The following CAPZA2 variants were observed in gnomAD, a reference collection of about 807,000 sequenced individuals.
CAPZA2 encodes the protein F-actin-capping protein subunit alpha-2.
CAPZA2 carries 13 observed loss-of-function variants against 44.0 expected under a neutral mutation model. That is an observed-to-expected ratio of 0.30 (90% confidence interval 0.19 to 0.47). CAPZA2 has a LOEUF of 0.47. CAPZA2 is among the 20% of genes least tolerant of loss of function. The pLI is 1.00. For synonymous variants in CAPZA2, 94 were observed against 108.2 expected (o/e 0.87, Z 0.81); for missense variants, 244 against 338.6 (o/e 0.72, Z 2.19).
intron 1 of CAPZA2, among the ~76,000 whole-genome samples, chr7:116,878,310 G>A (rs7780748): frequency 0.055 from 8,386 of 152,190 alleles, 792 homozygotes; most frequent in African/African-American, 0.19. Flanking sequence ...ACGCTGTATT[G>A]GGAGGCAGCT....
At chr7:116,873,772 A>G (rs1796582364) in intron 1 of CAPZA2, 2 of 156,072 alleles carry the variant, frequency 1.3e-5, no homozygotes, top group Middle Eastern at 1.0e-3. Flanking sequence ...TAATAAACAC[A>G]TCTTGAAGAG....
intron 1 of CAPZA2, among the ~76,000 whole-genome samples, chr7:116,880,848 C>T (rs1405201235): frequency 2.0e-5 from 3 of 151,138 alleles, no homozygotes; most frequent in African/African-American, 2.4e-5. Context: ...GCTGGGATTA[C>T]AGGTGTCCAG....
intron 4 of CAPZA2, among the ~76,000 whole-genome samples, chr7:116,902,541 G>T (rs574804253): frequency 6.6e-6 from 1 of 152,134 alleles, no homozygotes; most frequent in African/African-American, 2.4e-5. Context: ...GCCTATCATT[G>T]GTGGTAATAT....
chr7:116,915,134 C>A (rs530884599), intron 8 of CAPZA2, among the ~76,000 whole-genome samples: 3 of 152,110 alleles, frequency 2.0e-5, no homozygotes, highest in African/African-American at 7.2e-5. Flanking sequence ...AAAACCCCAT[C>A]TCCACTAAAA....
At chr7:116,864,845 G>A (rs1796462441) in intron 1 of CAPZA2, among the ~76,000 whole-genome samples, 1 of 152,022 alleles carries the variant, frequency 6.6e-6, no homozygotes, top group Admixed American at 6.6e-5. Context: ...TTGTAGACCA[G>A]CCTGGTAACA....
chr7:116,898,673 T>A (rs1796956403), intron 3 of CAPZA2, 99 bp from the exon 4 acceptor site: 2 of 665,148 alleles, frequency 3.0e-6, no homozygotes, highest in Non-Finnish European at 2.5e-6. Context: ...CAGTGTGCAA[T>A]GTAGGAGGAG....
intron 8 of CAPZA2, among the ~76,000 whole-genome samples, chr7:116,913,769 ATTTTTTTTTTT>A (rs10717939): frequency 2.3e-4 from 20 of 87,712 alleles, no homozygotes; most frequent in African/African-American, 8.9e-4. Context: ...CACCCAGCTA[ATTTTTTTTTTT>A]TTTTTTTTTT....
In CAPZA2 at chr7:116,862,592, G is replaced by A; in HGVS notation, c.-20G>A. The A allele has an allele frequency of 6.5e-7, 1 of 1,536,164 alleles. No homozygotes were observed. The highest frequency in any genetic ancestry group is 1.2e-5 in the South Asian group (1 of 83,190). On this transcript the variant is annotated 5_prime_UTR_variant, in exon 1 of 10. Transcript: ENST00000361183. ...TGGCCGCTGCCGCCGCCGCCGCCGC[G>A]GTTTGTCGCCAGAAGGAAGATGGCG...
intron 3 of CAPZA2, among the ~76,000 whole-genome samples, chr7:116,893,881 G>A (rs778621099): frequency 1.1e-4 from 16 of 152,118 alleles, no homozygotes; most frequent in Non-Finnish European, 2.2e-4. Flanking sequence ...CAGCTATCCT[G>A]CAATTTCAGA....
At position 116,918,739 on chromosome 7, in the gene CAPZA2, G is replaced by A. The variant is rs1400518346; in HGVS notation, c.*872G>A. 6.6e-6 allele frequency: 1 copy of A among 151,718 alleles called. No individual in the cohort carries two copies. Among genetic ancestry groups the A allele is most frequent in the Non-Finnish European group, 1.5e-5 (1 of 67,974 alleles). 9.4% of individuals were successfully genotyped at this position (151,718 alleles called of 1,614,324 possible). On this transcript the variant is annotated 3_prime_UTR_variant, in exon 10 of 10. Coordinates refer to ENST00000361183, the MANE Select transcript of CAPZA2 (RefSeq NM_006136.3). ...AAAATGCAAATTTTCCTATTTATTT[G>A]AGTAGAAAATCACTTACCAGTGAGC...
At chr7:116,880,144 G>A (rs1401412704) in intron 1 of CAPZA2, 1 of 468,240 alleles carries the variant, frequency 2.1e-6, no homozygotes, top group Non-Finnish European at 4.4e-6. Flanking sequence ...TAAAGTAAAT[G>A]AAGGTAAATA....
chr7:116,917,956 G>T lies in CAPZA2; in HGVS notation c.*89G>T. ...TCTGAACTGTCAAGCTGCCCAGTCAGATGGGCTGTTGCCATTTAAAATCAC... is the reference window on the plus strand; with the variant it reads ...TCTGAACTGTCAAGCTGCCCAGTCATATGGGCTGTTGCCATTTAAAATCAC... On this transcript the variant is annotated 3_prime_UTR_variant, in exon 10 of 10. Coordinates refer to ENST00000361183, the MANE Select transcript of CAPZA2 (RefSeq NM_006136.3). 2.0e-6 allele frequency: 2 copies of T among 1,024,650 alleles called. No homozygotes were observed. The highest frequency in any genetic ancestry group is 1.4e-5 in the South Asian group (1 of 72,820). 63.5% of individuals were successfully genotyped at this position (1,024,650 alleles called of 1,614,324 possible). A position where few individuals can be genotyped will look rare whatever the true frequency, so the allele number is the denominator to read the frequency against.
At chr7:116,880,553 G>A (rs1322313037) in intron 1 of CAPZA2, among the ~76,000 whole-genome samples, 3 of 150,792 alleles carry the variant, frequency 2.0e-5, no homozygotes, top group Non-Finnish European at 3.0e-5. Flanking sequence ...ACCTGCCACC[G>A]TGCCCAGCTA....
chr7:116,862,721 T>C (rs1562954725), intron 1 of CAPZA2, 71 bp downstream of exon 1: 1 of 1,468,768 alleles, frequency 6.8e-7, no homozygotes, highest in South Asian at 1.3e-5. Flanking sequence ...GCCCGGAGTC[T>C]GGTCGCGGGG....
At chr7:116,914,430 CAT>C (rs1224979978) in intron 8 of CAPZA2, among the ~76,000 whole-genome samples, 5 of 108,810 alleles carry the variant, frequency 4.6e-5, no homozygotes, top group African/African-American at 6.2e-5. Flanking sequence ...CATATACATA[CAT>C]ACACACACAC....
At chr7:116,903,724 T>C (rs1224843882) in intron 4 of CAPZA2, among the ~76,000 whole-genome samples, 1 of 152,214 alleles carries the variant, frequency 6.6e-6, no homozygotes, top group Non-Finnish European at 1.5e-5. Flanking sequence ...TAGGTAAGAC[T>C]GTGGGCCCAG....
At chr7:116,897,951 A>G (rs969873725) in intron 3 of CAPZA2, among the ~76,000 whole-genome samples, 1 of 152,066 alleles carries the variant, frequency 6.6e-6, no homozygotes, top group African/African-American at 2.4e-5. Context: ...TCCTTTCTCA[A>G]AAAGCTTCTG....
intron 1 of CAPZA2, chr7:116,875,790 C>T (rs1247124630): frequency 6.6e-6 from 1 of 151,922 alleles, no homozygotes; most frequent in African/African-American, 2.4e-5. Context: ...ATCCTCCCAT[C>T]CCAGCCTCCC....
At position 116,910,220 on chromosome 7, in the gene CAPZA2, T is replaced by G; in HGVS notation, c.507-13T>G. ...TCCCTACCTTATTTACAGCTGCTGT[T>G]TTTATTTTTAAGGAATGGTCGTTGG... On this transcript the variant is annotated splice_polypyrimidine_tract_variant and intron_variant, in intron 6 of 9. Transcript: ENST00000361183. 2 of 1,479,426 alleles carry G rather than the reference T, an allele frequency of 1.4e-6. No individual in the cohort carries two copies. The highest frequency in any genetic ancestry group is 1.9e-6 in the Non-Finnish European group (2 of 1,057,298). 91.6% of individuals were successfully genotyped at this position (1,479,426 alleles called of 1,614,324 possible).
Sources: allele counts gnomAD v4.1 joint callset (sites outside exome capture counted in the v4.1 genomes callset), GRCh38; gene constraint gnomAD v4.1.1; transcripts MANE v1.5; gene names NCBI Gene and HGNC (gene_info 2026-07-23, HGNC 2026-07-21).